The following PHACTR4 variants were observed in gnomAD, a reference collection of about 807,000 sequenced individuals.
The protein encoded by PHACTR4 is protein phosphatase 1, regulatory subunit 124.
PHACTR4 carries 51 observed loss-of-function variants against 72.7 expected under a neutral mutation model. The ratio of observed to expected loss-of-function variants is 0.70; its 90% CI spans 0.56 to 0.89. The LOEUF (loss-of-function observed/expected upper bound fraction) is 0.89. Ranked by LOEUF, PHACTR4 falls within the 40% of genes least tolerant of loss-of-function variation. The pLI is 0.00. For missense variants in PHACTR4, 731 were observed against 861.8 expected (o/e 0.85, Z 1.90); for synonymous variants, 255 against 302.5 (o/e 0.84, Z 1.63).
intron 2 of PHACTR4, 49 bp from the exon 3 acceptor site, chr1:28,459,036 G>A: frequency 6.6e-7 from 1 of 1,509,932 alleles, no homozygotes; most frequent in Non-Finnish European, 9.0e-7. Context: ...TAGAGATTAT[G>A]CTGAAATAAT....
At chr1:28,438,460 A>G (rs766606040) in intron 2 of PHACTR4, 3 of 1,611,140 alleles carry the variant, frequency 1.9e-6, no homozygotes, top group Admixed American at 3.4e-5. Flanking sequence ...GAAACAGAAA[A>G]TCTTGACAGA....
chr1:28,407,675 G>A (rs1654455532), intron 2 of PHACTR4, among the ~76,000 whole-genome samples: 1 of 151,980 alleles, frequency 6.6e-6, no homozygotes, highest in Non-Finnish European at 1.5e-5. Flanking sequence ...ATCTATTGAT[G>A]TTTGCTGTAT....
chr1:28,370,728 A>T (rs764605365), intron 1 of PHACTR4, among the ~76,000 whole-genome samples: 176 of 152,084 alleles, frequency 1.2e-3, no homozygotes, highest in Non-Finnish European at 1.0e-3. Context: ...CCTTCAGTGG[A>T]AGAATTTGCT....
chr1:28,477,640 T>C (rs1366466925), intron 8 of PHACTR4, among the ~76,000 whole-genome samples: 2 of 152,298 alleles, frequency 1.3e-5, no homozygotes, highest in South Asian at 2.1e-4. Context: ...TCTTGAAATA[T>C]ACAATGAATT....
chr1:28,394,977 G>T (rs1295401958), intron 1 of PHACTR4, among the ~76,000 whole-genome samples: 2 of 150,182 alleles, frequency 1.3e-5, no homozygotes, highest in East Asian at 3.9e-4. Flanking sequence ...ACAGTGGCAC[G>T]GTCTCAGCTC....
Position 28,375,120 on chromosome 1 carries a change from G to A in PHACTR4, c.-39+5295G>A, listed in dbSNP as rs990736885. Among the ~76,000 whole-genome samples the A allele has an allele frequency of 2.0e-5, 3 of 152,194 alleles. No individual in the cohort carries two copies. In the East Asian group the frequency reaches 5.8e-4, roughly 29 times the overall value. On this transcript the variant is annotated intron_variant, in intron 1 of 13. Transcript: ENST00000373839. The stretch of plus-strand genomic sequence containing the variant: ...TCGAGACGAGCCTGGCCAACATGGC[G>A]AAACCCCATCTCTACTAAAAATAAA...
chr1:28,479,056 G>A (rs763403797), intron 8 of PHACTR4, among the ~76,000 whole-genome samples: 7 of 152,104 alleles, frequency 4.6e-5, no homozygotes, highest in South Asian at 4.1e-4. Context: ...GGCCGAGGCC[G>A]GTGAGGTCAG....
chr1:28,445,326 C>A (rs1222139230), intron 2 of PHACTR4, among the ~76,000 whole-genome samples: 6 of 152,036 alleles, frequency 3.9e-5, no homozygotes, highest in Non-Finnish European at 1.5e-5. Context: ...TGGGCTCATG[C>A]GATCCTCCCA....
intron 13 of PHACTR4, among the ~76,000 whole-genome samples, chr1:28,495,874 C>T (rs969984043): frequency 2.0e-5 from 3 of 151,858 alleles, no homozygotes; most frequent in Non-Finnish European, 2.9e-5. Context: ...ACCTTGGCCT[C>T]CCAAAGTGTT....
At chr1:28,461,727 A>T (rs549258104) in intron 4 of PHACTR4, among the ~76,000 whole-genome samples, 1 of 151,970 alleles carries the variant, frequency 6.6e-6, no homozygotes, top group East Asian at 1.9e-4. Flanking sequence ...GGGTCTCCCT[A>T]TGTTGCCCAG....
intron 2 of PHACTR4, among the ~76,000 whole-genome samples, chr1:28,429,738 G>A (rs1321073540): frequency 1.3e-5 from 2 of 152,110 alleles, no homozygotes; most frequent in Admixed American, 6.6e-5. Flanking sequence ...ATACATCATG[G>A]GCCCTGCCCA....
chr1:28,493,150 C>G, intron 13 of PHACTR4, 59 bp downstream of exon 13: 3 of 1,450,448 alleles, frequency 2.1e-6, no homozygotes, highest in Non-Finnish European at 1.9e-6. Flanking sequence ...AAAAATTGTT[C>G]AGATATGAAG....
intron 2 of PHACTR4, among the ~76,000 whole-genome samples, chr1:28,441,587 A>T (rs1462145034): frequency 6.6e-6 from 1 of 152,230 alleles, no homozygotes; most frequent in African/African-American, 2.4e-5. Context: ...TTGAATGTAC[A>T]TTAGGAATCT....
At chr1:28,473,007 G>T (rs1047890508) in intron 6 of PHACTR4, among the ~76,000 whole-genome samples, 5 of 149,924 alleles carry the variant, frequency 3.3e-5, no homozygotes, top group African/African-American at 1.2e-4. Context: ...GGGTGCCATG[G>T]CTCACGCCTG....
chr1:28,448,964 A>G (rs974037812), intron 2 of PHACTR4, among the ~76,000 whole-genome samples: 4 of 151,894 alleles, frequency 2.6e-5, no homozygotes, highest in Admixed American at 2.0e-4. Context: ...AGCCTGGGCA[A>G]CATAGCGAAA....
intron 2 of PHACTR4, among the ~76,000 whole-genome samples, chr1:28,430,028 CT>C (rs1226890583): frequency 1.2e-3 from 168 of 144,622 alleles, no homozygotes; most frequent in South Asian, 1.8e-3. Context: ...CTTTCAGGTT[CT>C]TTTTTTTTTT....
intron 1 of PHACTR4, among the ~76,000 whole-genome samples, chr1:28,401,295 C>A (rs1653923162): frequency 6.9e-6 from 1 of 145,360 alleles, no homozygotes; most frequent in Non-Finnish European, 1.5e-5. Flanking sequence ...ATATGACCTG[C>A]TTTACTTTTT....
At chr1:28,448,681 G>A (rs1424530762) in intron 2 of PHACTR4, among the ~76,000 whole-genome samples, 1 of 133,712 alleles carries the variant, frequency 7.5e-6, no homozygotes, top group Non-Finnish European at 1.5e-5. Flanking sequence ...AGAATGGCGT[G>A]AACCCGGGAG....
At chr1:28,455,259 T>C (rs1161962204) in intron 2 of PHACTR4, among the ~76,000 whole-genome samples, 3 of 142,932 alleles carry the variant, frequency 2.1e-5, no homozygotes. Context: ...AGTGCAGTGA[T>C]GTGATCTTGG....
Sources: allele counts gnomAD v4.1 joint callset (sites outside exome capture counted in the v4.1 genomes callset), GRCh38; gene constraint gnomAD v4.1.1; transcripts MANE v1.5; gene names NCBI Gene and HGNC (gene_info 2026-07-23, HGNC 2026-07-21).